COL4A1: variants seen among roughly 807,000 people sequenced by gnomAD.
The protein encoded by COL4A1 is collagen type IV alpha 1 chain.
COL4A1 carries 40 observed loss-of-function variants against 216.6 expected under a neutral mutation model. That is an observed-to-expected ratio of 0.18 (90% confidence interval 0.14 to 0.24). COL4A1 has a LOEUF of 0.24. Ranked by LOEUF, COL4A1 falls within the 10% of genes least tolerant of loss-of-function variation. The pLI is 1.00. For synonymous variants in COL4A1, 839 were observed against 810.7 expected (o/e 1.03, Z -0.59); for missense variants, 1,628 against 2,196.8 (o/e 0.74, Z 5.18).
rs756019755 is a variant in COL4A1, at chr13:110,179,055, G to C, written c.2345-19C>G. 16 of 1,601,670 alleles carry C rather than the reference G, an allele frequency of 1.0e-5. No homozygotes were observed. In the South Asian group the frequency reaches 1.7e-4, roughly 17 times the overall value. ...GGTTCACCTGGAGAAGAAAAATTGA[G>C]AGTAAGCTGTACAGGAGCAGTGGCA... On this transcript the variant is annotated intron_variant, in intron 30 of 51. Transcript: ENST00000375820.
At chr13:110,210,244 C>T (rs750296335) in intron 8 of COL4A1, 32 bp from the exon 9 acceptor site, 17 of 1,594,218 alleles carry the variant, frequency 1.1e-5, no homozygotes, top group Non-Finnish European at 1.5e-5. Context: ...TAGAAAGTTG[C>T]AAATATCGAC....
chr13:110,305,624 A>G (rs927255786), intron 1 of COL4A1, among the ~76,000 whole-genome samples: 2 of 152,256 alleles, frequency 1.3e-5, no homozygotes, highest in African/African-American at 4.8e-5. Context: ...TTTTGTCATC[A>G]TTACCAAAGA....
chr13:110,219,668 A>ATATG (rs1555307836), intron 2 of COL4A1, among the ~76,000 whole-genome samples: 7 of 45,416 alleles, frequency 1.5e-4, no homozygotes, highest in African/African-American at 3.9e-4. Context: ...ATATGTATAT[A>ATATG]TATATATATG....
chr13:110,209,473 G>T (rs1879674188), intron 10 of COL4A1, 46 bp from the exon 11 acceptor site: 7 of 1,366,134 alleles, frequency 5.1e-6, no homozygotes, highest in Non-Finnish European at 7.2e-6. Context: ...GAACTCTAGG[G>T]AGCTTTAAGC....
At chr13:110,179,504 A>T in intron 29 of COL4A1, 83 bp from the exon 30 acceptor site, 1 of 1,587,194 alleles carries the variant, frequency 6.3e-7, no homozygotes, top group Middle Eastern at 1.7e-4. Context: ...GTGAAGACTT[A>T]ACAGATACTG....
intron 29 of COL4A1, among the ~76,000 whole-genome samples, chr13:110,179,713 G>A (rs1878062296): frequency 1.3e-5 from 2 of 152,156 alleles, no homozygotes; most frequent in Admixed American, 1.3e-4. Context: ...ACCTGAGCTT[G>A]TCCCCTCAAC....
chr13:110,256,985 C>T (rs953553216), intron 1 of COL4A1, among the ~76,000 whole-genome samples: 1 of 152,138 alleles, frequency 6.6e-6, no homozygotes, highest in Non-Finnish European at 1.5e-5. Context: ...TTAGACTAAT[C>T]CCAGCCAGCC....
chr13:110,234,841 A>G (rs1454402219), intron 2 of COL4A1, among the ~76,000 whole-genome samples: 1 of 152,220 alleles, frequency 6.6e-6, no homozygotes, highest in Admixed American at 6.5e-5. Context: ...ATTTTGGGAA[A>G]GGCTAAACTA....
In COL4A1 at chr13:110,255,889, G is replaced by A. The variant is rs1417581563; in HGVS notation, c.85-13155C>T. 7.1e-4 allele frequency among the ~76,000 whole-genome samples: 54 copies of A among 75,954 alleles called. 2 individuals are homozygous for A. The East Asian group carries it at 0.01, about 15-fold the overall frequency. 49.8% of individuals were successfully genotyped at this position (75,954 alleles called of 152,430 possible). A position where few individuals can be genotyped will look rare whatever the true frequency, so the allele number is the denominator to read the frequency against. On this transcript the variant is annotated intron_variant, in intron 1 of 51. Coordinates refer to ENST00000375820, the MANE Select transcript of COL4A1 (RefSeq NM_001845.6). Reference sequence around the variant, plus strand: ...GAGGGGGAAGGCAGGAAGGGAGGGGGAAGGCAGGAAGGGAGGGGGAAGGCA... The same window carrying A: ...GAGGGGGAAGGCAGGAAGGGAGGGGAAAGGCAGGAAGGGAGGGGGAAGGCA...
rs1877070098 is a variant in COL4A1 at position 110,161,229 on chromosome 13, G to A, written c.4603C>T (p.Pro1535Ser). 5.6e-6 allele frequency: 9 copies of A among 1,614,194 alleles called. No individual in the cohort carries two copies. Among genetic ancestry groups the A allele is most frequent in the Middle Eastern group, 1.6e-4 (1 of 6,062 alleles). ...GGTCTTATGTTTTCCCCCGTGATGG[G>A]TGCCATTGACATGGGCATGGGCTCA... ...TPEPMPMSMA[P>S]ITGENIRPFI... is the part of the protein sequence containing the mutation. The change falls in exon 49 of 52, where the codon CCC (proline) becomes TCC (serine). Residue 1535 changes from proline (P) to serine (S), a missense_variant. Physicochemically the swap from Pro to Ser is moderately conservative, Grantham distance 74. Around this residue, in one of 8 missense-constraint regions of COL4A1, gnomAD observed 254 missense variants for 300.1 expected, o/e 0.85. Coordinates refer to ENST00000375820, the MANE Select transcript of COL4A1 (RefSeq NM_001845.6).
In COL4A1 at chr13:110,212,455, G is replaced by A. The variant is rs752659911; in HGVS notation, c.349C>T (p.Pro117Ser). 4 of 1,614,122 alleles carry A rather than the reference G, an allele frequency of 2.5e-6. No homozygotes were observed. In the South Asian group the frequency reaches 4.4e-5, roughly 18 times the overall value. ...LPGIPGQDGP[P>S]GPPGIPGCNG... ...CATCCTGGAATACCTGGGGGGCCTG[G>A]CGGGCCGTCTTGGCCAGGAATTCCC... Residue 117 changes from proline to serine, a missense_variant, in exon 6 of 52, where the codon CCA becomes TCA. Physicochemically the swap from Pro to Ser is moderately conservative, Grantham distance 74. Coordinates refer to ENST00000375820, the MANE Select transcript of COL4A1 (RefSeq NM_001845.6).
Position 110,202,178 on chromosome 13 carries a change from G to A in COL4A1, c.1000-656C>T, listed in dbSNP as rs575927305. On this transcript the variant is annotated intron_variant, in intron 18 of 51. Coordinates refer to ENST00000375820, the MANE Select transcript of COL4A1 (RefSeq NM_001845.6). ...AGGCTTAGATTTATAATTTCTAATT[G>A]TACATACTAGCCATAAACAGAATGT... 4.0e-5 allele frequency among the ~76,000 whole-genome samples: 6 copies of A among 149,690 alleles called. No homozygotes were observed. The South Asian group carries it at 1.3e-3, about 32-fold the overall frequency.
At chr13:110,223,683 G>T (rs776487150) in intron 2 of COL4A1, among the ~76,000 whole-genome samples, 1 of 152,212 alleles carries the variant, frequency 6.6e-6, no homozygotes, top group South Asian at 2.1e-4. Flanking sequence ...ATCAGCCACC[G>T]AAGCTAGGTG....
intron 12 of COL4A1, 58 bp downstream of exon 12, chr13:110,208,791 T>A: frequency 6.6e-7 from 1 of 1,505,016 alleles, no homozygotes; most frequent in Admixed American, 1.7e-5. Flanking sequence ...AGGTGGGAAC[T>A]GTCAGGTGAG....
intron 1 of COL4A1, among the ~76,000 whole-genome samples, chr13:110,301,043 T>A (rs1251327682): frequency 6.6e-6 from 1 of 152,224 alleles, no homozygotes; most frequent in East Asian, 1.9e-4. Context: ...AACCACGGAA[T>A]AAACTATTTA....
chr13:110,181,422 A>C, intron 28 of COL4A1, 33 bp from the exon 29 acceptor site: 1 of 1,554,478 alleles, frequency 6.4e-7, no homozygotes, highest in South Asian at 1.1e-5. Context: ...AAAAACAAAC[A>C]AACAATCATT....
At chr13:110,161,498 T>C in intron 48 of COL4A1, 129 bp from the exon 49 acceptor site, 1 of 1,139,178 alleles carries the variant, frequency 8.8e-7, no homozygotes, top group Non-Finnish European at 1.3e-6. Context: ...TGGAAATGTA[T>C]AAAGGATTAT....
chr13:110,182,072 G>A (rs1037641179), intron 28 of COL4A1, among the ~76,000 whole-genome samples: 5 of 152,190 alleles, frequency 3.3e-5, no homozygotes, highest in Non-Finnish European at 4.4e-5. Context: ...CATGGGTCAC[G>A]GCCTCAGGTG....
intron 1 of COL4A1, among the ~76,000 whole-genome samples, chr13:110,253,427 TTA>T (rs1302484098): frequency 2.4e-4 from 3 of 12,504 alleles, no homozygotes; most frequent in African/African-American, 4.7e-4. Context: ...ATACATATAA[TTA>T]TATGTATTAC....
Sources: gnomAD v4.1 joint callset for allele counts (sites outside exome capture counted in the v4.1 genomes callset) on GRCh38, gnomAD v4.1.1 for gene constraint, gnomAD v4.1.1 regional missense constraint, MANE v1.5 for transcripts, NCBI Gene and HGNC (gene_info 2026-07-23, HGNC 2026-07-21) for gene names.